The following KY variants were observed in gnomAD, a reference collection of about 807,000 sequenced individuals.
The protein encoded by KY is kyphoscoliosis peptidase.
In KY, 43 loss-of-function variants were observed where a neutral mutation model predicts 76.1. The ratio of observed to expected loss-of-function variants is 0.57; its 90% CI spans 0.44 to 0.73. KY has a LOEUF of 0.73. Ranked by LOEUF, KY falls within the 30% of genes least tolerant of loss-of-function variation. The pLI is 0.00. For missense variants in KY, 722 were observed against 828.9 expected (o/e 0.87, Z 1.58); for synonymous variants, 277 against 326.2 (o/e 0.85, Z 1.63).
At chr3:134,620,645 C>G in intron 7 of KY, 104 bp downstream of exon 7, 2 of 787,334 alleles carry the variant, frequency 2.5e-6, no homozygotes, top group Non-Finnish European at 4.3e-6. Context: ...CTGTCCCCCA[C>G]CTTTCATGTC....
At chr3:134,646,495 A>G (rs1293832855) in intron 2 of KY, among the ~76,000 whole-genome samples, 6 of 152,276 alleles carry the variant, frequency 3.9e-5, no homozygotes, top group African/African-American at 1.4e-4. Context: ...TCCCTGTTTC[A>G]TTTCCAATAT....
intron 2 of KY, among the ~76,000 whole-genome samples, chr3:134,646,152 G>T (rs1216685476): frequency 2.0e-5 from 3 of 152,148 alleles, no homozygotes; most frequent in Non-Finnish European, 4.4e-5. Flanking sequence ...CAGGTCTCTG[G>T]GGGTCTGATT....
rs186741318 is a variant in KY at position 134,631,387 on chromosome 3, C to T, written c.263-1692G>A. 3.5e-3 allele frequency among the ~76,000 whole-genome samples: 532 copies of T among 152,170 alleles called. 2 individuals carry two copies. Among genetic ancestry groups the T allele is most frequent in the African/African-American group, 0.012 (506 of 41,516 alleles). On this transcript the variant is annotated intron_variant, in intron 3 of 10. Coordinates refer to ENST00000423778, the MANE Select transcript of KY (RefSeq NM_178554.6). ...AGACTTGCTCCAAAAGAAATGCTAA[C>T]GGAAGTTCTTCAGACGGAAGAGAAA... is the stretch of plus-strand genomic sequence containing the variant.
At chr3:134,648,510 G>A (rs1278557030) in intron 1 of KY, among the ~76,000 whole-genome samples, 1 of 152,204 alleles carries the variant, frequency 6.6e-6, no homozygotes, top group Non-Finnish European at 1.5e-5. Context: ...CTCTACTGCT[G>A]CAGGAGTATA....
At chr3:134,617,430 G>C (rs1444122637) in intron 8 of KY, among the ~76,000 whole-genome samples, 2 of 152,128 alleles carry the variant, frequency 1.3e-5, no homozygotes, top group Non-Finnish European at 2.9e-5. Flanking sequence ...GTATTCGCAG[G>C]GGAGGTAGAA....
chr3:134,638,339 G>A (rs1405043734), intron 3 of KY, among the ~76,000 whole-genome samples: 1 of 152,220 alleles, frequency 6.6e-6, no homozygotes, highest in Middle Eastern at 3.2e-3. Context: ...CTAACAGAGA[G>A]TAGATCATTT....
chr3:134,649,908 G>A (rs1410228349), intron 1 of KY, among the ~76,000 whole-genome samples: 1 of 152,210 alleles, frequency 6.6e-6, no homozygotes, highest in East Asian at 1.9e-4. Flanking sequence ...GGGGAGGAGA[G>A]AGGCAGAAGT....
rs751530495 is a variant in KY, at chr3:134,629,665, C to G, written c.293G>C (p.Arg98Pro). Residue 98 changes from arginine to proline, a missense_variant, in exon 4 of 11, where the codon CGA (arginine) becomes CCA (proline). Physicochemically the swap from Arg to Pro is moderately radical, Grantham distance 103. Coordinates refer to ENST00000423778, the MANE Select transcript of KY (RefSeq NM_178554.6). ...CTTGAGCAGCTGGGGCATGGCATCT[C>G]GAGGGTGGACTTCCACAGTCAGTTG... ...GTQLTVEVHP[R>P]DAMPQLLKKF... 1 of 1,598,948 alleles carries G rather than the reference C, an allele frequency of 6.3e-7. No individual in the cohort carries two copies. The highest frequency in any genetic ancestry group is 1.7e-4 in the Middle Eastern group (1 of 6,048).
intron 1 of KY, among the ~76,000 whole-genome samples, chr3:134,649,239 GT>G: frequency 6.6e-6 from 1 of 152,258 alleles, no homozygotes; most frequent in Non-Finnish European, 1.5e-5. Context: ...TTTTTTCTCT[GT>G]CATAGTCACT....
chr3:134,618,693 C>A (rs903988611), intron 8 of KY, among the ~76,000 whole-genome samples: 1 of 152,202 alleles, frequency 6.6e-6, no homozygotes, highest in Admixed American at 6.5e-5. Context: ...GTAGCCGCTT[C>A]GTAGTGATTC....
At chr3:134,628,248 G>A (rs1963734533) in intron 4 of KY, 1 of 180,466 alleles carries the variant, frequency 5.5e-6, no homozygotes, top group Admixed American at 5.5e-5. Context: ...TCGTGTGAAG[G>A]TCAAAACCTA....
intron 8 of KY, among the ~76,000 whole-genome samples, chr3:134,618,421 C>G (rs1377879964): frequency 4.6e-5 from 7 of 152,268 alleles, no homozygotes; most frequent in Admixed American, 3.9e-4. Flanking sequence ...TCATCCACCC[C>G]CTGGGGAGGG....
rs1958995669 is a variant in KY at position 134,602,151 on chromosome 3, C to T, written c.*1428G>A. 6.6e-6 allele frequency among the ~76,000 whole-genome samples: 1 copy of T among 152,114 alleles called. No individual in the cohort carries two copies. Among genetic ancestry groups the T allele is most frequent in the Non-Finnish European group, 1.5e-5 (1 of 68,012 alleles). The stretch of plus-strand genomic sequence containing the variant: ...CAGGGGTTGGGGGGCACTGAGACAG[C>T]CAGGGGCCACGGAGCTGGAGAAGCC... On this transcript the variant is annotated 3_prime_UTR_variant, in exon 11 of 11. Coordinates refer to ENST00000423778, the MANE Select transcript of KY (RefSeq NM_178554.6).
intron 10 of KY, among the ~76,000 whole-genome samples, chr3:134,605,431 G>A (rs1217846970): frequency 6.6e-6 from 1 of 152,158 alleles, no homozygotes; most frequent in Non-Finnish European, 1.5e-5. Flanking sequence ...TGGACTCTTG[G>A]TAGGGGAGGC....
chr3:134,646,153 G>A (rs1966410959), intron 2 of KY, among the ~76,000 whole-genome samples: 1 of 152,160 alleles, frequency 6.6e-6, no homozygotes, highest in South Asian at 2.1e-4. Flanking sequence ...AGGTCTCTGG[G>A]GGTCTGATTC....
At chr3:134,625,192 G>T in intron 5 of KY, 57 bp from the exon 6 acceptor site, 1 of 1,389,062 alleles carries the variant, frequency 7.2e-7, no homozygotes, top group Non-Finnish European at 1.0e-6. Flanking sequence ...GGGCTGCCTG[G>T]CCTAGGCCTT....
intron 1 of KY, among the ~76,000 whole-genome samples, chr3:134,647,855 G>T (rs1966613518): frequency 6.6e-6 from 1 of 152,180 alleles, no homozygotes; most frequent in South Asian, 2.1e-4. Context: ...TCTGTATGTG[G>T]TGAATCACCC....
intron 2 of KY, among the ~76,000 whole-genome samples, chr3:134,645,418 A>G (rs1484144004): frequency 2.0e-5 from 3 of 152,192 alleles, no homozygotes; most frequent in Admixed American, 6.5e-5. Context: ...GCCATCAGCC[A>G]CTTCCTTCTA....
chr3:134,602,267 G>C lies in KY; in HGVS notation c.*1312C>G, dbSNP rs975474742. On this transcript the variant is annotated 3_prime_UTR_variant, in exon 11 of 11. Transcript: ENST00000423778. ...TCGCCTTTCCCTCTTATCTGCCCTCGCTGAAGTCAGCCTTTCCTCCGTTGC... is the reference window on the plus strand; with the variant it reads ...TCGCCTTTCCCTCTTATCTGCCCTCCCTGAAGTCAGCCTTTCCTCCGTTGC... 2.0e-5 allele frequency among the ~76,000 whole-genome samples: 3 copies of C among 152,088 alleles called. No individual in the cohort carries two copies. Among genetic ancestry groups the C allele is most frequent in the Non-Finnish European group, 4.4e-5 (3 of 68,002 alleles).
Sources: gnomAD v4.1 joint callset for allele counts (sites outside exome capture counted in the v4.1 genomes callset) on GRCh38, gnomAD v4.1.1 for gene constraint, MANE v1.5 for transcripts, NCBI Gene and HGNC (gene_info 2026-07-23, HGNC 2026-07-21) for gene names.